Variants in DOCK3 observed in about 807,000 individuals in gnomAD.
DOCK3 encodes dedicator of cytokinesis protein 3.
A neutral mutation model predicts 265.6 loss-of-function variants in DOCK3; 60 were observed. The observed-to-expected ratio is 0.23, with a 90% CI of 0.18 to 0.28. The LOEUF is 0.28. Among genes scored for constraint, DOCK3 ranks in the 10% least tolerant of loss-of-function variants. The pLI, the probability that DOCK3 is intolerant of heterozygous loss-of-function variation, is 1.00. For synonymous variants in DOCK3, 881 were observed against 938.0 expected, an observed-to-expected ratio of 0.94 and a Z score of 1.11; for missense variants, 1,981 against 2,594.3, an observed-to-expected ratio of 0.76 and a Z score of 5.14.
chr3:50,877,716 C>T (rs1559757236), intron 3 of DOCK3: 1 of 353,848 alleles, frequency 2.8e-6, no homozygotes, highest in East Asian at 7.8e-5. Flanking sequence ...GCTGTGTCAC[C>T]AGGCTGGAGT....
In DOCK3 at chr3:50,803,311, C is replaced by T. The variant is rs574333718; in HGVS notation, c.121+24553C>T. Among the ~76,000 whole-genome samples the T allele has an allele frequency of 9.9e-5, 15 of 152,212 alleles. No individual in the cohort carries two copies. In the East Asian group the frequency reaches 2.5e-3, roughly 25 times the overall value. On this transcript the variant is annotated intron_variant, in intron 2 of 52. Coordinates refer to ENST00000266037, the MANE Select transcript of DOCK3 (RefSeq NM_004947.5). ...ATGCTGCCTTCAAGCATCTGTTTAA[C>T]AAAGCACATCTTGGACCGCCCTTAA...
chr3:50,757,991 C>T (rs957510367), intron 1 of DOCK3, among the ~76,000 whole-genome samples: 12 of 151,538 alleles, frequency 7.9e-5, no homozygotes, highest in Admixed American at 5.9e-4. Context: ...CTGGCTAACA[C>T]GGTGAAACCC....
intron 27 of DOCK3, among the ~76,000 whole-genome samples, chr3:51,308,645 C>G (rs1183014282): frequency 4.9e-4 from 74 of 151,702 alleles, no homozygotes; most frequent in African/African-American, 7.3e-4. Flanking sequence ...GCAACCATCC[C>G]ATTTCTCAAT....
Position 50,933,972 on chromosome 3 carries a change from T to A in DOCK3, c.219-9T>A. 6.5e-7 allele frequency: 1 copy of A among 1,545,582 alleles called. No individual in the cohort carries two copies. Among genetic ancestry groups the A allele is most frequent in the South Asian group, 1.3e-5 (1 of 79,914 alleles). ...ATAATGTGGCTGTCTTTTGTGGCTC[T>A]GGTTCTAGGCAGTATGAAACTGTGG... On this transcript the variant is annotated splice_polypyrimidine_tract_variant and intron_variant, in intron 4 of 52. Transcript: ENST00000266037.
intron 5 of DOCK3, among the ~76,000 whole-genome samples, chr3:50,943,578 A>G (rs1323594229): frequency 1.3e-5 from 2 of 152,040 alleles, no homozygotes; most frequent in Non-Finnish European, 2.9e-5. Flanking sequence ...TCTTTTTCTT[A>G]TCTATTTTCA....
chr3:51,135,077 A>G (rs1576196054), intron 9 of DOCK3, among the ~76,000 whole-genome samples: 1 of 152,126 alleles, frequency 6.6e-6, no homozygotes, highest in African/African-American at 2.4e-5. Context: ...TCCCTCTCAC[A>G]TATTTTCTCT....
intron 6 of DOCK3, among the ~76,000 whole-genome samples, chr3:51,071,543 TG>T (rs2081865695): frequency 6.6e-6 from 1 of 152,164 alleles, no homozygotes; most frequent in African/African-American, 2.4e-5. Context: ...CAATGTAACA[TG>T]GGGATAATAA....
At chr3:50,692,060 G>A (rs1224205682) in intron 1 of DOCK3, among the ~76,000 whole-genome samples, 1 of 152,010 alleles carries the variant, frequency 6.6e-6, no homozygotes, top group Non-Finnish European at 1.5e-5. Flanking sequence ...GACTACAGCT[G>A]TGTGCCACTG....
At chr3:51,126,301 AAG>A (rs1361407399) in intron 9 of DOCK3, among the ~76,000 whole-genome samples, 1 of 152,218 alleles carries the variant, frequency 6.6e-6, no homozygotes, top group Non-Finnish European at 1.5e-5. Context: ...CACCAGGCAA[AAG>A]AGTTTTTCCT....
At chr3:50,745,042 G>A (rs1373599612) in intron 1 of DOCK3, among the ~76,000 whole-genome samples, 2 of 152,104 alleles carry the variant, frequency 1.3e-5, no homozygotes, top group Admixed American at 1.3e-4. Context: ...GCTACTTAGA[G>A]TCCCTTGAGC....
intron 5 of DOCK3, among the ~76,000 whole-genome samples, chr3:51,040,381 A>G (rs534928499): frequency 9.8e-5 from 15 of 152,320 alleles, no homozygotes; most frequent in African/African-American, 3.6e-4. Context: ...TTCCTAATGA[A>G]TATAAAAATT....
At position 51,203,373 on chromosome 3, in the gene DOCK3, AACAG is replaced by A. The variant is rs921315138; in HGVS notation, c.1038-5395_1038-5392del. 6.6e-5 allele frequency among the ~76,000 whole-genome samples: 10 copies of A among 152,132 alleles called. No individual in the cohort carries two copies. The South Asian group carries it at 1.2e-3, about 19-fold the overall frequency. On this transcript the variant is annotated intron_variant, in intron 12 of 52. Coordinates refer to ENST00000266037, the MANE Select transcript of DOCK3 (RefSeq NM_004947.5). ...ATCACAAGCATTCTTATACACCAAT[AACAG>A]ACAGAGAGCCAAATCATGAGTAAAC...
chr3:50,844,533 T>C (rs2045990001), intron 3 of DOCK3, among the ~76,000 whole-genome samples: 1 of 152,164 alleles, frequency 6.6e-6, no homozygotes, highest in African/African-American at 2.4e-5. Flanking sequence ...CACTTAGATA[T>C]ATAAGTAAAT....
At chr3:50,951,846 GATTTC>G (rs1230069447) in intron 5 of DOCK3, among the ~76,000 whole-genome samples, 14 of 152,158 alleles carry the variant, frequency 9.2e-5, no homozygotes, top group Middle Eastern at 3.4e-3. Flanking sequence ...TAATGCACTT[GATTTC>G]ATTTAACTTA....
In DOCK3 at chr3:51,160,750, C is replaced by T. The variant is rs759912559; in HGVS notation, c.1037+48C>T. On this transcript the variant is annotated intron_variant, in intron 12 of 52. Coordinates refer to ENST00000266037, the MANE Select transcript of DOCK3 (RefSeq NM_004947.5). Reference sequence around the variant, plus strand: ...ATTAATGATTTGTAGCATAAGACATCCCAGCACTGCCCTTGAGAGTAGTAG... The same window carrying T: ...ATTAATGATTTGTAGCATAAGACATTCCAGCACTGCCCTTGAGAGTAGTAG... 2.5e-6 allele frequency: 4 copies of T among 1,582,512 alleles called. No homozygotes were observed. The African/African-American group carries it at 4.0e-5, about 16-fold the overall frequency.
rs1034654047 is a variant in DOCK3 at position 51,256,568 on chromosome 3, G to T, written c.2185-3588G>T. Among the ~76,000 whole-genome samples, 7 of 150,496 alleles carry T rather than the reference G, an allele frequency of 4.7e-5. No individual in the cohort carries two copies. The Admixed American group carries it at 4.7e-4, about 10-fold the overall frequency. ...TTACAGGTGTGAGCCATCGCACCCAGCGAAGAGCTTGAGTTTTCGTTTTTG... is the reference window on the plus strand; with the variant it reads ...TTACAGGTGTGAGCCATCGCACCCATCGAAGAGCTTGAGTTTTCGTTTTTG... On this transcript the variant is annotated intron_variant, in intron 22 of 52. Transcript: ENST00000266037.
At chr3:51,375,628 C>T in intron 50 of DOCK3, 120 bp from the exon 51 acceptor site, 1 of 1,090,688 alleles carries the variant, frequency 9.2e-7, no homozygotes, top group Non-Finnish European at 1.4e-6. Context: ...GTGAGCTGTG[C>T]CACTGCTTTG....
intron 3 of DOCK3, among the ~76,000 whole-genome samples, chr3:50,876,452 T>A (rs2047705437): frequency 6.6e-6 from 1 of 152,164 alleles, no homozygotes; most frequent in Non-Finnish European, 1.5e-5. Flanking sequence ...ATTTAGTGAA[T>A]AAATATTTAG....
chr3:50,713,642 A>G (rs2036911250), intron 1 of DOCK3, among the ~76,000 whole-genome samples: 1 of 151,494 alleles, frequency 6.6e-6, no homozygotes, highest in Non-Finnish European at 1.5e-5. Context: ...GATAAATTAT[A>G]TATATATATA....
Sources: gnomAD v4.1 joint callset for allele counts (sites outside exome capture counted in the v4.1 genomes callset) on GRCh38, gnomAD v4.1.1 for gene constraint, MANE v1.5 for transcripts, NCBI Gene and HGNC (gene_info 2026-07-23, HGNC 2026-07-21) for gene names.